NRG3: variants seen among roughly 807,000 people sequenced by gnomAD.
NRG3 encodes pro-neuregulin-3, membrane-bound isoform.
NRG3 carries 31 observed loss-of-function variants against 66.9 expected under a neutral mutation model. That is an observed-to-expected ratio of 0.46 (90% CI 0.35 to 0.63). The LOEUF is 0.63. Ranked by LOEUF, NRG3 falls within the 20% of genes least tolerant of loss-of-function variation. The pLI is 0.00. For missense variants in NRG3, 910 were observed against 878.9 expected (o/e 1.04, Z -0.45); for synonymous variants, 393 against 359.4 (o/e 1.09, Z -1.06).
chr10:81,891,796 CTCTAGAATT>C (rs1843031384), intron 1 of NRG3, among the ~76,000 whole-genome samples: 1 of 152,142 alleles, frequency 6.6e-6, no homozygotes, highest in African/African-American at 2.4e-5. Flanking sequence ...ACTACTTGAT[CTCTAGAATT>C]TCAGGCTCTT....
intron 1 of NRG3, chr10:82,166,783 T>A: frequency 1.5e-6 from 1 of 686,242 alleles, no homozygotes; most frequent in Middle Eastern, 2.4e-4. Context: ...GCTTTAACAT[T>A]TCAAGTAGTG....
chr10:82,458,109 C>T (rs143087226), intron 2 of NRG3, among the ~76,000 whole-genome samples: 45 of 152,232 alleles, frequency 3.0e-4, no homozygotes, highest in African/African-American at 1.1e-3. Context: ...CTGTGTTTCT[C>T]CAGGATCTTC....
chr10:82,716,961 T>G (rs911126930), intron 2 of NRG3, among the ~76,000 whole-genome samples: 2 of 152,228 alleles, frequency 1.3e-5, no homozygotes, highest in African/African-American at 4.8e-5. Context: ...GAAAGTGGTT[T>G]CTATTTAATC....
intron 2 of NRG3, among the ~76,000 whole-genome samples, chr10:82,585,128 C>T (rs182924522): frequency 2.6e-5 from 4 of 151,684 alleles, no homozygotes; most frequent in Admixed American, 1.3e-4. Context: ...ATTGTGTAGG[C>T]TAGCCCAGAG....
chr10:82,147,184 C>T (rs1034647790), intron 1 of NRG3, among the ~76,000 whole-genome samples: 2 of 152,126 alleles, frequency 1.3e-5, no homozygotes, highest in African/African-American at 2.4e-5. Context: ...TAGATACTGA[C>T]CATTCTCTCA....
intron 2 of NRG3, among the ~76,000 whole-genome samples, chr10:82,716,051 T>C (rs1459940384): frequency 6.6e-6 from 1 of 152,158 alleles, no homozygotes; most frequent in African/African-American, 2.4e-5. Flanking sequence ...TTTCAACATA[T>C]AAACTTTGGA....
At chr10:82,744,448 C>T (rs1009296862) in intron 3 of NRG3, among the ~76,000 whole-genome samples, 10 of 152,112 alleles carry the variant, frequency 6.6e-5, no homozygotes, top group Admixed American at 3.3e-4. Flanking sequence ...CAACTCTCTG[C>T]GCCTCTTTTG....
intron 1 of NRG3, among the ~76,000 whole-genome samples, chr10:82,207,630 AG>A (rs1379897296): frequency 1.3e-5 from 2 of 152,192 alleles, no homozygotes; most frequent in Non-Finnish European, 2.9e-5. Context: ...TAATTTATAA[AG>A]GAAAGAGGTT....
At chr10:82,649,344 AACTTTCTAAAGTATCT>A (rs1244882774) in intron 2 of NRG3, among the ~76,000 whole-genome samples, 1 of 152,126 alleles carries the variant, frequency 6.6e-6, no homozygotes, top group Non-Finnish European at 1.5e-5. Flanking sequence ...TATAATTGCA[AACTTTCTAAAGTATCT>A]GCTCTAAGAG....
At chr10:82,251,664 G>A (rs1332436424) in intron 1 of NRG3, among the ~76,000 whole-genome samples, 1 of 152,204 alleles carries the variant, frequency 6.6e-6, no homozygotes, top group Non-Finnish European at 1.5e-5. Context: ...ATTGATCAGT[G>A]TGGGATTTCG....
intron 2 of NRG3, among the ~76,000 whole-genome samples, chr10:82,373,956 A>C (rs1184103861): frequency 6.6e-6 from 1 of 152,190 alleles, no homozygotes; most frequent in East Asian, 1.9e-4. Flanking sequence ...CTTTGTGAGC[A>C]AAACCTCTGT....
chr10:82,805,955 C>T lies in NRG3; in HGVS notation c.1028-59456C>T, dbSNP rs189252052. ...TAAAAATCTTTATTTTCAAATTTTT[C>T]TGTCAAAGGTTTTTCTGAAACATCA... is the stretch of plus-strand genomic sequence containing the variant. On this transcript the variant is annotated intron_variant, in intron 3 of 8. Transcript: ENST00000372141. 2.1e-3 allele frequency among the ~76,000 whole-genome samples: 326 copies of T among 152,220 alleles called. 3 individuals carry two copies. Among genetic ancestry groups the T allele is most frequent in the African/African-American group, 7.5e-3 (312 of 41,530 alleles).
intron 2 of NRG3, among the ~76,000 whole-genome samples, chr10:82,389,031 A>C (rs1245823224): frequency 6.6e-6 from 1 of 152,218 alleles, no homozygotes; most frequent in East Asian, 1.9e-4. Context: ...TAGAGAGGAG[A>C]AAATACTAGA....
At chr10:82,207,460 T>C (rs948318749) in intron 1 of NRG3, among the ~76,000 whole-genome samples, 4 of 152,190 alleles carry the variant, frequency 2.6e-5, no homozygotes, top group Admixed American at 1.3e-4. Flanking sequence ...AGAGTTTTTC[T>C]GAGGTTCAAA....
At chr10:82,821,913 A>C (rs1344314314) in intron 3 of NRG3, among the ~76,000 whole-genome samples, 1 of 152,104 alleles carries the variant, frequency 6.6e-6, no homozygotes, top group Non-Finnish European at 1.5e-5. Context: ...TATGGTGGAA[A>C]GGTTGAATGG....
chr10:82,026,811 T>G (rs1016395553), intron 1 of NRG3, among the ~76,000 whole-genome samples: 12 of 151,996 alleles, frequency 7.9e-5, no homozygotes, highest in African/African-American at 2.7e-4. Flanking sequence ...ATAATAACTT[T>G]AAGGTTTATT....
intron 2 of NRG3, among the ~76,000 whole-genome samples, chr10:82,445,124 G>T (rs960920082): frequency 1.4e-5 from 2 of 147,146 alleles, no homozygotes; most frequent in African/African-American, 5.3e-5. Flanking sequence ...CTTCATAGAG[G>T]CTGTCCCCAT....
chr10:82,513,124 A>T lies in NRG3; in HGVS notation c.953+154256A>T, dbSNP rs113865856. On this transcript the variant is annotated intron_variant, in intron 2 of 8. Coordinates refer to ENST00000372141, the MANE Select transcript of NRG3 (RefSeq NM_001010848.4). ...TCTCCCTCCTCCCACAACCCTCGAC[A>T]TGCCCCAGTGTGTGTTGTTCCCCTC... 2.7e-3 allele frequency among the ~76,000 whole-genome samples: 406 copies of T among 152,222 alleles called. 3 individuals are homozygous for T. Among genetic ancestry groups the T allele is most frequent in the African/African-American group, 8.0e-3 (333 of 41,542 alleles).
intron 2 of NRG3, among the ~76,000 whole-genome samples, chr10:82,726,142 T>C (rs943616751): frequency 1.3e-5 from 2 of 152,180 alleles, no homozygotes; most frequent in African/African-American, 2.4e-5. Context: ...CTTGGACTCC[T>C]AGTCTCCAGA....
Sources: gnomAD v4.1 joint callset for allele counts (sites outside exome capture counted in the v4.1 genomes callset) on GRCh38, gnomAD v4.1.1 for gene constraint, MANE v1.5 for transcripts, NCBI Gene and HGNC (gene_info 2026-07-23, HGNC 2026-07-21) for gene names.